Variants in EVL observed in about 807,000 individuals in gnomAD.
EVL encodes the protein Enah/Vasp-like, also known as ena/VASP-like protein.
In EVL, 21 loss-of-function variants were observed where a neutral mutation model predicts 59.6. The ratio of observed to expected loss-of-function variants is 0.35; its 90% CI spans 0.25 to 0.51. EVL has a LOEUF of 0.51. Ranked by LOEUF, EVL falls within the 20% of genes least tolerant of loss-of-function variation. The pLI is 0.97. For missense variants in EVL, 462 were observed against 546.6 expected (o/e 0.85, Z 1.54); for synonymous variants, 198 against 203.5 (o/e 0.97, Z 0.23).
chr14:100,026,595 T>C (rs1033104209), intron 1 of EVL, among the ~76,000 whole-genome samples: 3 of 152,154 alleles, frequency 2.0e-5, no homozygotes, highest in Non-Finnish European at 4.4e-5. Flanking sequence ...TGGGGTAGAA[T>C]GACCTACCCT....
intron 3 of EVL, among the ~76,000 whole-genome samples, chr14:100,117,727 C>G (rs1434435074): frequency 1.3e-5 from 2 of 152,226 alleles, no homozygotes; most frequent in African/African-American, 2.4e-5. Flanking sequence ...CTTGAGTTCT[C>G]TCCTTACCCC....
intron 3 of EVL, among the ~76,000 whole-genome samples, chr14:100,120,989 A>G (rs1051097595): frequency 1.3e-5 from 2 of 152,198 alleles, no homozygotes; most frequent in African/African-American, 4.8e-5. Flanking sequence ...GACTCCCACC[A>G]TCCCCATCGC....
Position 100,141,810 on chromosome 14 carries a change from C to A in EVL, c.1219+17C>A, listed in dbSNP as rs766368201. On this transcript the variant is annotated intron_variant, in intron 13 of 13. Coordinates refer to ENST00000392920, the MANE Select transcript of EVL (RefSeq NM_016337.3). ...TCATCGACGGTGAGTGCAGCCCCAC[C>A]GGGGAGGGTGGCACCCAGGTGTGGC... 6.2e-7 allele frequency: 1 copy of A among 1,611,040 alleles called. No homozygotes were observed. Among genetic ancestry groups the A allele is most frequent in the Non-Finnish European group, 8.5e-7 (1 of 1,179,028 alleles).
At position 100,127,325 on chromosome 14, in the gene EVL, A is replaced by G. The variant is rs1471047423; in HGVS notation, c.487+554A>G. On this transcript the variant is annotated intron_variant, in intron 5 of 13. Coordinates refer to ENST00000392920, the MANE Select transcript of EVL (RefSeq NM_016337.3). This position sits in a 1 kb window ranked among gnomAD's most constrained non-coding sequence, Gnocchi z 4.2. ...TCACTGATAGGCAAAGGACTGGATA[A>G]TTTACCAAGTGCTTTCATGTCCTTT... is the stretch of plus-strand genomic sequence containing the variant. Among the ~76,000 whole-genome samples, 20 of 152,312 alleles carry G rather than the reference A, an allele frequency of 1.3e-4. No homozygotes were observed. Among genetic ancestry groups the G allele is most frequent in the Admixed American group, 1.3e-3 (20 of 15,298 alleles).
intron 1 of EVL, among the ~76,000 whole-genome samples, chr14:100,036,995 G>A (rs1268050849): frequency 6.6e-6 from 1 of 152,224 alleles, no homozygotes; most frequent in Non-Finnish European, 1.5e-5. Flanking sequence ...TAAGGACACA[G>A]TGAGAAGGTG....
intron 1 of EVL, among the ~76,000 whole-genome samples, chr14:100,016,097 T>A (rs896531378): frequency 1.3e-5 from 2 of 148,908 alleles, no homozygotes; most frequent in African/African-American, 2.5e-5. Flanking sequence ...AAAAAAAAAA[T>A]TAATTATTTA....
At chr14:100,054,512 T>C (rs1320820317) in intron 1 of EVL, among the ~76,000 whole-genome samples, 1 of 152,190 alleles carries the variant, frequency 6.6e-6, no homozygotes, top group African/African-American at 2.4e-5. Flanking sequence ...ACTTCCTTTA[T>C]CTGATGCGCA....
At chr14:100,006,825 AAGG>A (rs969752785) in intron 1 of EVL, among the ~76,000 whole-genome samples, 1 of 151,712 alleles carries the variant, frequency 6.6e-6, no homozygotes, top group Non-Finnish European at 1.5e-5. Flanking sequence ...AAAAAAAAAA[AAGG>A]AGTTGTACAG....
chr14:100,011,053 A>G (rs762018819), intron 1 of EVL, among the ~76,000 whole-genome samples: 4 of 152,234 alleles, frequency 2.6e-5, no homozygotes, highest in Non-Finnish European at 1.5e-5. Context: ...TCACTTGAAG[A>G]TTTTTATAAA....
chr14:100,055,217 G>C (rs907492818), intron 1 of EVL, among the ~76,000 whole-genome samples: 1 of 150,770 alleles, frequency 6.6e-6, no homozygotes, highest in African/African-American at 2.4e-5. Context: ...AAAAAAATCT[G>C]TGTCCTCTCT....
intron 2 of EVL, 117 bp downstream of exon 2, chr14:100,084,972 A>G (rs1312665335): frequency 8.8e-6 from 10 of 1,137,014 alleles, no homozygotes; most frequent in Middle Eastern, 2.8e-4. Context: ...ATTCGGAATC[A>G]GAGGACCTGG....
chr14:100,008,553 C>T (rs961388254), intron 1 of EVL, among the ~76,000 whole-genome samples: 3 of 152,156 alleles, frequency 2.0e-5, no homozygotes, highest in Non-Finnish European at 4.4e-5. Flanking sequence ...GGCAACTACT[C>T]CTTTACCCTT....
chr14:100,130,491 C>T lies in EVL; in HGVS notation c.839+807C>T, dbSNP rs1888364177. ...AGAACAGAGGAAGCTGCAGCGGGGGCCCTGCTCCCTTGGTAACCCCACCTC... is the reference window on the plus strand; with the variant it reads ...AGAACAGAGGAAGCTGCAGCGGGGGTCCTGCTCCCTTGGTAACCCCACCTC... On this transcript the variant is annotated intron_variant, in intron 7 of 13. Transcript: ENST00000392920. The surrounding 1 kb of genome is among the most constrained non-coding windows in gnomAD (Gnocchi z 4.8). 6.6e-6 allele frequency among the ~76,000 whole-genome samples: 1 copy of T among 152,210 alleles called. No homozygotes were observed. Among genetic ancestry groups the T allele is most frequent in the African/African-American group, 2.4e-5 (1 of 41,452 alleles).
rs199920852 is a variant in EVL at position 100,084,038 on chromosome 14, T to TTC, written c.12-635_12-634dup. Among the ~76,000 whole-genome samples the TTC allele has an allele frequency of 7.0e-3, 1,036 of 147,720 alleles. 9 individuals carry two copies. Among genetic ancestry groups the TTC allele is most frequent in the African/African-American group, 0.024 (906 of 38,232 alleles). ...GAAGCTTAGATGCTTTAATAATGCA[T>TTC]TCTCTCTCTCTCTCTTTTTTTTTTT... On this transcript the variant is annotated intron_variant, in intron 1 of 13. Transcript: ENST00000392920.
At chr14:100,019,702 T>G (rs902439667) in intron 1 of EVL, 9 of 1,532,186 alleles carry the variant, frequency 5.9e-6, no homozygotes, top group Non-Finnish European at 7.9e-6. Context: ...GTTCTGGGCT[T>G]TCTACATCAG....
intron 1 of EVL, among the ~76,000 whole-genome samples, chr14:99,988,045 G>T (rs1394793301): frequency 6.7e-6 from 1 of 150,010 alleles, no homozygotes; most frequent in African/African-American, 2.5e-5. Flanking sequence ...CTCCCAAGTT[G>T]CTGGGATTAC....
chr14:99,990,326 C>T (rs938124199), intron 1 of EVL, among the ~76,000 whole-genome samples: 9 of 152,186 alleles, frequency 5.9e-5, no homozygotes, highest in Non-Finnish European at 1.2e-4. Flanking sequence ...CCAGTGTTCG[C>T]TCTTTTTTAA....
chr14:100,121,739 A>G (rs963985201), intron 3 of EVL, among the ~76,000 whole-genome samples: 1 of 152,234 alleles, frequency 6.6e-6, no homozygotes, highest in East Asian at 1.9e-4. Flanking sequence ...ACAACCACAC[A>G]GGCCTGTGTG....
intron 1 of EVL, among the ~76,000 whole-genome samples, chr14:100,046,181 T>G (rs2061543093): frequency 6.6e-6 from 1 of 152,234 alleles, no homozygotes; most frequent in African/African-American, 2.4e-5. Flanking sequence ...AAATCCAAGA[T>G]ACTCCAATGA....
Sources: allele counts gnomAD v4.1 joint callset (sites outside exome capture counted in the v4.1 genomes callset), GRCh38; gene constraint gnomAD v4.1.1; non-coding constraint Gnocchi (gnomAD v3.1); transcripts MANE v1.5; gene names NCBI Gene and HGNC (gene_info 2026-07-23, HGNC 2026-07-21).